Variants in WWOX observed in about 807,000 individuals in gnomAD.
WWOX encodes the protein WW domain containing oxidoreductase.
In WWOX, 69 loss-of-function variants were observed where a neutral mutation model predicts 46.2. That is an observed-to-expected ratio of 1.49 (90% CI 1.23 to 1.82). WWOX has a LOEUF of 1.82. Ranked by LOEUF, WWOX falls within the 40% of genes most tolerant of loss-of-function variation. The probability of loss-of-function intolerance (pLI) is 0.00; values close to 1 mark genes in which losing one functional copy is unlikely to be tolerated. For synonymous variants in WWOX, 359 were observed against 202.6 expected (o/e 1.77, Z -6.56); for missense variants, 919 against 542.6 (o/e 1.69, Z -6.89).
intron 8 of WWOX, among the ~76,000 whole-genome samples, chr16:78,481,493 C>T (rs1266032530): frequency 6.6e-6 from 1 of 152,078 alleles, no homozygotes; most frequent in Admixed American, 6.6e-5. Context: ...GGGAACTTTG[C>T]AGGATGTTCG....
chr16:78,865,052 C>T (rs1248500756), intron 8 of WWOX, among the ~76,000 whole-genome samples: 4 of 151,852 alleles, frequency 2.6e-5, no homozygotes, highest in African/African-American at 4.8e-5. Flanking sequence ...CGTGAGCCAC[C>T]GCGCCTGGCT....
At chr16:79,191,935 C>G (rs2051144621) in intron 8 of WWOX, among the ~76,000 whole-genome samples, 2 of 152,202 alleles carry the variant, frequency 1.3e-5, no homozygotes, top group Admixed American at 1.3e-4. Flanking sequence ...ATCAGGTCTT[C>G]TGGGCTCACC....
At chr16:78,799,231 G>A (rs1160089232) in intron 8 of WWOX, among the ~76,000 whole-genome samples, 1 of 152,156 alleles carries the variant, frequency 6.6e-6, no homozygotes, top group African/African-American at 2.4e-5. Flanking sequence ...AGTTCATCTG[G>A]AGTTAGGCTT....
At chr16:78,798,072 C>G (rs947706780) in intron 8 of WWOX, among the ~76,000 whole-genome samples, 2 of 152,124 alleles carry the variant, frequency 1.3e-5, no homozygotes, top group African/African-American at 4.8e-5. Flanking sequence ...CCTTTTGTTT[C>G]TGGGGAAGCT....
intron 8 of WWOX, among the ~76,000 whole-genome samples, chr16:79,187,432 GCT>G (rs2051039210): frequency 1.3e-5 from 2 of 151,976 alleles, no homozygotes; most frequent in South Asian, 4.2e-4. Context: ...ACAGAGTATC[GCT>G]CTGTCACCCA....
intron 5 of WWOX, among the ~76,000 whole-genome samples, chr16:78,215,180 C>T (rs1157530132): frequency 5.9e-5 from 9 of 152,190 alleles, no homozygotes; most frequent in East Asian, 1.9e-4. Flanking sequence ...GGGTCATTTT[C>T]TTCCCCATAT....
chr16:78,280,629 C>T (rs2079659561), intron 5 of WWOX, among the ~76,000 whole-genome samples: 1 of 139,050 alleles, frequency 7.2e-6, no homozygotes, highest in African/African-American at 2.8e-5. Flanking sequence ...CAGCAGGTGA[C>T]ATGGTGACAG....
intron 8 of WWOX, among the ~76,000 whole-genome samples, chr16:78,925,132 C>T (rs2045469254): frequency 6.6e-6 from 1 of 152,294 alleles, no homozygotes; most frequent in African/African-American, 2.4e-5. Flanking sequence ...GAGGTCGAGG[C>T]TGCAGTGAGC....
intron 8 of WWOX, among the ~76,000 whole-genome samples, chr16:78,613,307 C>T (rs141404971): frequency 6.6e-6 from 1 of 152,188 alleles, no homozygotes; most frequent in Non-Finnish European, 1.5e-5. Context: ...TATGGAAGCC[C>T]CAGTGTGTTC....
At chr16:78,536,504 G>T (rs2043762916) in intron 8 of WWOX, among the ~76,000 whole-genome samples, 1 of 152,096 alleles carries the variant, frequency 6.6e-6, no homozygotes, top group Admixed American at 6.5e-5. Flanking sequence ...GAGGTGAAGA[G>T]GGAAGTCCGC....
chr16:79,210,630 A>G (rs1222334132), intron 8 of WWOX, among the ~76,000 whole-genome samples: 1 of 152,184 alleles, frequency 6.6e-6, no homozygotes, highest in Non-Finnish European at 1.5e-5. Flanking sequence ...ATAAATAATC[A>G]TAAGATGCCA....
At chr16:78,110,793 C>G (rs1033082305) in intron 3 of WWOX, among the ~76,000 whole-genome samples, 1 of 152,144 alleles carries the variant, frequency 6.6e-6, no homozygotes, top group Non-Finnish European at 1.5e-5. Flanking sequence ...GTGACACAGA[C>G]TTGAGGGGGT....
rs889854835 is a variant in WWOX at position 78,691,224 on chromosome 16, T to G, written c.1056+258472T>G. The G allele has an allele frequency of 4.3e-6, 3 of 702,058 alleles. No individual in the cohort carries two copies. The African/African-American group carries it at 5.2e-5, about 12-fold the overall frequency. 43.5% of individuals were successfully genotyped at this position (702,058 alleles called of 1,614,324 possible). ...GCGCCTAGAATTTTAGCTATGCTTC[T>G]CTTGTTTGTGATTCCAGGTTTCAGA... On this transcript the variant is annotated intron_variant, in intron 8 of 8. Transcript: ENST00000566780.
intron 8 of WWOX, among the ~76,000 whole-genome samples, chr16:78,545,759 T>G (rs1196897231): frequency 2.6e-5 from 4 of 152,148 alleles, no homozygotes; most frequent in Non-Finnish European, 5.9e-5. Flanking sequence ...CAAGACAAAG[T>G]TGCTGGCAGG....
chr16:78,570,379 A>T (rs73581045), intron 8 of WWOX, among the ~76,000 whole-genome samples: 2 of 152,224 alleles, frequency 1.3e-5, no homozygotes, highest in Admixed American at 6.5e-5. Context: ...TGCAATCATA[A>T]CTCACTGCAG....
intron 8 of WWOX, among the ~76,000 whole-genome samples, chr16:78,763,220 G>C (rs1288338070): frequency 1.3e-5 from 2 of 152,244 alleles, no homozygotes; most frequent in African/African-American, 4.8e-5. Flanking sequence ...TTATTACAAA[G>C]CGATACTTTT....
intron 8 of WWOX, among the ~76,000 whole-genome samples, chr16:79,018,057 C>A (rs1213234737): frequency 2.0e-5 from 3 of 152,182 alleles, no homozygotes; most frequent in Non-Finnish European, 4.4e-5. Context: ...AAAAGGGAAA[C>A]AAAACTAGTT....
chr16:78,368,697 C>T (rs894261352), intron 5 of WWOX, among the ~76,000 whole-genome samples: 1 of 152,172 alleles, frequency 6.6e-6, no homozygotes, highest in Non-Finnish European at 1.5e-5. Flanking sequence ...CCTTCCCCTC[C>T]CCCCTCTAAT....
intron 5 of WWOX, among the ~76,000 whole-genome samples, chr16:78,166,111 T>C (rs2034962033): frequency 6.6e-6 from 1 of 152,126 alleles, no homozygotes; most frequent in Non-Finnish European, 1.5e-5. Flanking sequence ...TTATGTATTC[T>C]TCCAGAAAAA....
Sources: gnomAD v4.1 joint callset for allele counts (sites outside exome capture counted in the v4.1 genomes callset) on GRCh38, gnomAD v4.1.1 for gene constraint, MANE v1.5 for transcripts, NCBI Gene and HGNC (gene_info 2026-07-23, HGNC 2026-07-21) for gene names.